Variants in NRXN3 observed in about 807,000 individuals in gnomAD.
The protein encoded by NRXN3 is neurexin 3.
In NRXN3, 32 loss-of-function variants were observed where a neutral mutation model predicts 137.6. The observed-to-expected ratio is 0.23, with a 90% confidence interval of 0.18 to 0.31. The LOEUF is 0.31. Ranked by LOEUF, NRXN3 falls within the 10% of genes least tolerant of loss-of-function variation. The pLI, the probability that NRXN3 is intolerant of heterozygous loss-of-function variation, is 1.00. For synonymous variants in NRXN3, 798 were observed against 784.5 expected (o/e 1.02, Z -0.29); for missense variants, 1,574 against 2,062.5 (o/e 0.76, Z 4.59).
At chr14:79,045,487 G>C (rs1439068878) in intron 15 of NRXN3, among the ~76,000 whole-genome samples, 1 of 152,130 alleles carries the variant, frequency 6.6e-6, no homozygotes, top group Non-Finnish European at 1.5e-5. Flanking sequence ...AGAGACTGCA[G>C]GTGACTCAGA....
intron 4 of NRXN3, among the ~76,000 whole-genome samples, chr14:78,351,299 A>G (rs145727687): frequency 1.2e-3 from 176 of 152,312 alleles, no homozygotes; most frequent in Non-Finnish European, 1.7e-3. Context: ...GCTTTTGCAA[A>G]CATTTCAGTT....
Position 78,363,769 on chromosome 14 carries a change from C to T in NRXN3, c.757+65909C>T, listed in dbSNP as rs565785106. On this transcript the variant is annotated intron_variant, in intron 4 of 20. Coordinates refer to ENST00000335750, the MANE Select transcript of NRXN3 (RefSeq NM_001330195.2). The stretch of plus-strand genomic sequence containing the variant: ...CTCAAGGCTCCTGATTAAGGGCATA[C>T]GATTCTGAAATCATCTAGGGCTTCT... Among the ~76,000 whole-genome samples, 7 of 152,308 alleles carry T rather than the reference C, an allele frequency of 4.6e-5. No homozygotes were observed. In the East Asian group the frequency reaches 9.6e-4, roughly 21 times the overall value.
intron 15 of NRXN3, among the ~76,000 whole-genome samples, chr14:79,230,236 A>C (rs1382528050): frequency 1.3e-5 from 2 of 152,062 alleles, no homozygotes; most frequent in East Asian, 3.9e-4. Flanking sequence ...TTGAAGAAAG[A>C]AGGCCTGGTG....
intron 17 of NRXN3, among the ~76,000 whole-genome samples, chr14:79,668,200 C>A (rs2153992834): frequency 6.6e-6 from 1 of 152,186 alleles, no homozygotes; most frequent in Middle Eastern, 3.4e-3. Flanking sequence ...TTCAAGGATG[C>A]TACATTAGAA....
intron 5 of NRXN3, among the ~76,000 whole-genome samples, chr14:78,650,904 A>G (rs1396980874): frequency 6.6e-6 from 1 of 152,190 alleles, no homozygotes; most frequent in Non-Finnish European, 1.5e-5. Flanking sequence ...AAAGATTGCA[A>G]TGGGTAGAAC....
At chr14:78,769,719 T>C (rs2098720610) in intron 8 of NRXN3, among the ~76,000 whole-genome samples, 1 of 152,130 alleles carries the variant, frequency 6.6e-6, no homozygotes, top group Non-Finnish European at 1.5e-5. Context: ...ATAGAAGAGA[T>C]ATAACAGAGA....
chr14:78,971,821 A>G (rs2099442187), intron 14 of NRXN3, among the ~76,000 whole-genome samples: 1 of 152,018 alleles, frequency 6.6e-6, no homozygotes, highest in Non-Finnish European at 1.5e-5. Flanking sequence ...TTTTTAGTAG[A>G]GATGGGGTTT....
intron 15 of NRXN3, among the ~76,000 whole-genome samples, chr14:79,236,294 G>T (rs180911313): frequency 1.3e-5 from 2 of 151,824 alleles, no homozygotes; most frequent in African/African-American, 4.8e-5. Context: ...ATATTTATAT[G>T]GTGTATATAG....
chr14:78,769,944 G>T (rs1042526854), intron 8 of NRXN3, among the ~76,000 whole-genome samples: 2 of 150,346 alleles, frequency 1.3e-5, no homozygotes, highest in Non-Finnish European at 3.0e-5. Flanking sequence ...TTGCTTATGA[G>T]TCTTCAATGT....
intron 4 of NRXN3, among the ~76,000 whole-genome samples, chr14:78,611,030 C>T (rs1300670152): frequency 6.6e-6 from 1 of 152,180 alleles, no homozygotes; most frequent in Non-Finnish European, 1.5e-5. Flanking sequence ...CCCTCCCTGA[C>T]ACCCCAACTC....
chr14:78,721,965 A>G (rs952951936), intron 8 of NRXN3, among the ~76,000 whole-genome samples: 1 of 151,638 alleles, frequency 6.6e-6, no homozygotes, highest in Non-Finnish European at 1.5e-5. Context: ...CCGGTTCTGC[A>G]AGTTTCCCTT....
chr14:78,941,855 G>A (rs2099353629), intron 10 of NRXN3, among the ~76,000 whole-genome samples: 1 of 152,192 alleles, frequency 6.6e-6, no homozygotes, highest in South Asian at 2.1e-4. Context: ...CTTTGGGATT[G>A]TCGAGTTAGC....
chr14:79,663,736 G>A (rs2098545398), intron 16 of NRXN3, 42 bp from the exon 17 acceptor site: 7 of 1,579,216 alleles, frequency 4.4e-6, no homozygotes, highest in Middle Eastern at 1.8e-4. Context: ...AGAGAACTTC[G>A]TGGTTGGTGA....
intron 14 of NRXN3, among the ~76,000 whole-genome samples, chr14:78,975,613 A>G (rs746513968): frequency 3.3e-5 from 5 of 152,174 alleles, no homozygotes; most frequent in Non-Finnish European, 5.9e-5. Flanking sequence ...GACAGAAACT[A>G]GAAACAGAGA....
At chr14:78,615,774 C>CA (rs2097342031) in intron 4 of NRXN3, among the ~76,000 whole-genome samples, 2 of 151,550 alleles carry the variant, frequency 1.3e-5, no homozygotes, top group African/African-American at 4.9e-5. Context: ...GTCTCTACCC[C>CA]CAAAAAAAAC....
intron 15 of NRXN3, among the ~76,000 whole-genome samples, chr14:79,295,032 C>T (rs1160977121): frequency 1.6e-4 from 25 of 152,064 alleles, no homozygotes; most frequent in Admixed American, 1.6e-3. Context: ...CTGATCATGC[C>T]GCTCTTCCAT....
intron 1 of NRXN3, among the ~76,000 whole-genome samples, chr14:78,232,191 G>C (rs1041946722): frequency 6.6e-6 from 1 of 152,266 alleles, no homozygotes; most frequent in African/African-American, 2.4e-5. Context: ...GCTGGGGGCT[G>C]TCTGGTCTGG....
At chr14:78,225,134 C>G (rs1237199995) in intron 1 of NRXN3, among the ~76,000 whole-genome samples, 4 of 152,172 alleles carry the variant, frequency 2.6e-5, no homozygotes, top group Non-Finnish European at 4.4e-5. Flanking sequence ...ATGGCTTGGT[C>G]AAATGGTATT....
chr14:78,456,603 C>T (rs769381439), intron 4 of NRXN3, among the ~76,000 whole-genome samples: 1 of 151,954 alleles, frequency 6.6e-6, no homozygotes, highest in African/African-American at 2.4e-5. Flanking sequence ...TTTCTCTTAC[C>T]TTCTTATCAT....
Sources: gnomAD v4.1 joint callset for allele counts (sites outside exome capture counted in the v4.1 genomes callset) on GRCh38, gnomAD v4.1.1 for gene constraint, MANE v1.5 for transcripts, NCBI Gene and HGNC (gene_info 2026-07-23, HGNC 2026-07-21) for gene names.